ZC3H14: variants seen among roughly 807,000 people sequenced by gnomAD.
ZC3H14 encodes zinc finger CCCH-type containing 14.
A neutral mutation model predicts 92.4 loss-of-function variants in ZC3H14; 31 were observed. The observed-to-expected ratio is 0.34, with a 90% CI of 0.25 to 0.45. ZC3H14 has a LOEUF of 0.45. Ranked by LOEUF, ZC3H14 falls within the 20% of genes least tolerant of loss-of-function variation. The probability of loss-of-function intolerance (pLI) is 1.00; values close to 1 mark genes in which losing one functional copy is unlikely to be tolerated. For missense variants in ZC3H14, 781 were observed against 897.3 expected (o/e 0.87, Z 1.66); for synonymous variants, 321 against 300.9 (o/e 1.07, Z -0.69).
In ZC3H14 at chr14:88,602,769, G is replaced by A. The variant is rs192638660; in HGVS notation, c.1515-59G>A. 16 of 1,561,052 alleles carry A rather than the reference G, an allele frequency of 1.0e-5. No individual in the cohort carries two copies. In the East Asian group the frequency reaches 3.4e-4, roughly 33 times the overall value. ...TAGTTCTGCTGAAGAGCACTTTAGGGGGCTCAGCGTTTTGTGTTTGTTTCC... is the reference window on the plus strand; with the variant it reads ...TAGTTCTGCTGAAGAGCACTTTAGGAGGCTCAGCGTTTTGTGTTTGTTTCC... On this transcript the variant is annotated intron_variant, in intron 11 of 16. Transcript: ENST00000251038.
intron 9 of ZC3H14, among the ~76,000 whole-genome samples, chr14:88,585,234 C>G (rs1468102552): frequency 6.6e-6 from 1 of 152,174 alleles, no homozygotes; most frequent in Non-Finnish European, 1.5e-5. Context: ...GGATTACTTT[C>G]TGTCATCATT....
chr14:88,594,365 A>G (rs1315575499), intron 9 of ZC3H14: 2 of 1,037,122 alleles, frequency 1.9e-6, no homozygotes, highest in South Asian at 3.7e-5. Flanking sequence ...TTTTCAGCCA[A>G]TCAGAAACCA....
Position 88,616,966 on chromosome 14 carries a change from A to C in ZC3H14, c.*5215A>C. 7.9e-7 allele frequency: 1 copy of C among 1,270,950 alleles called. No individual in the cohort carries two copies. The highest frequency in any genetic ancestry group is 1.1e-6 in the Non-Finnish European group (1 of 899,958). The allele number at this position is 1,270,950 out of a possible 1,614,324, so 78.7% of individuals were successfully genotyped here. A position where few individuals can be genotyped will look rare whatever the true frequency, so the allele number is the denominator to read the frequency against. ...AAAAGTTTCTTGGCAATTAATCTCT[A>C]AGTACCCTATCATGTTACTTAAAAT... On this transcript the variant is annotated 3_prime_UTR_variant, in exon 17 of 17. Transcript: ENST00000251038.
intron 13 of ZC3H14, 194 bp from the exon 14 acceptor site, chr14:88,609,073 T>C (rs2086099976): frequency 1.5e-6 from 1 of 674,590 alleles, no homozygotes; most frequent in African/African-American, 1.8e-5. Flanking sequence ...GTGTTTGTGT[T>C]ATCCCAAGCT....
intron 12 of ZC3H14, among the ~76,000 whole-genome samples, chr14:88,605,545 G>A (rs1002005941): frequency 1.3e-5 from 2 of 152,154 alleles, no homozygotes; most frequent in Non-Finnish European, 2.9e-5. Context: ...TGTTGCCCAG[G>A]CTGGTCTGAA....
intron 9 of ZC3H14, among the ~76,000 whole-genome samples, chr14:88,578,807 C>CT (rs34809132): frequency 3.3e-4 from 21 of 62,718 alleles, no homozygotes; most frequent in African/African-American, 1.0e-3. Context: ...TTTTTTTTTG[C>CT]TTTTTTCTCA....
rs191173734 is a variant in ZC3H14 at position 88,609,978 on chromosome 14, T to A, written c.2097+175T>A. On this transcript the variant is annotated intron_variant, in intron 15 of 16. Transcript: ENST00000251038. The stretch of plus-strand genomic sequence containing the variant: ...CCATCTGGCCCCTTAGGCCAAGTGG[T>A]CTGAAACTGTTCAATGTTAGTATCC... 0.014 allele frequency among the ~76,000 whole-genome samples: 2,143 copies of A among 152,256 alleles called. 103 individuals are homozygous for A. The East Asian group carries it at 0.19, about 13-fold the overall frequency.
At chr14:88,566,798 T>TA (rs1432221000) in intron 2 of ZC3H14, among the ~76,000 whole-genome samples, 9 of 151,996 alleles carry the variant, frequency 5.9e-5, no homozygotes, top group Non-Finnish European at 1.2e-4. Context: ...CAGGTGCCTG[T>TA]AATCCCAGCT....
rs1173953905 is a variant in ZC3H14, at chr14:88,575,562, G to T, written c.1023-278G>T. ...TTAAAATAAATTAGTTGGTCATTGT[G>T]GCAGGCACCTGTAGTCCTGGACTGG... is the stretch of plus-strand genomic sequence containing the variant. On this transcript the variant is annotated intron_variant, in intron 7 of 16. Coordinates refer to ENST00000251038, the MANE Select transcript of ZC3H14 (RefSeq NM_024824.5). Among the ~76,000 whole-genome samples, 3 of 152,008 alleles carry T rather than the reference G, an allele frequency of 2.0e-5. No individual in the cohort carries two copies. The East Asian group carries it at 5.8e-4, about 29-fold the overall frequency.
intron 8 of ZC3H14, 76 bp downstream of exon 8, chr14:88,576,016 T>C: frequency 7.7e-7 from 1 of 1,290,862 alleles, no homozygotes; most frequent in Non-Finnish European, 1.1e-6. Flanking sequence ...TGATTGCTCC[T>C]TAAATTGTAA....
rs759515859 is a variant in ZC3H14, at chr14:88,607,233, C to A, written c.1748-10C>A. 1.9e-6 allele frequency: 3 copies of A among 1,614,004 alleles called. No individual in the cohort carries two copies. Among genetic ancestry groups the A allele is most frequent in the African/African-American group, 1.3e-5 (1 of 74,988 alleles). The stretch of plus-strand genomic sequence containing the variant: ...TGAATGAAATACTTTTATTTCCTTT[C>A]CCTTTGTAGCTGAGATGAGTGAACT... On this transcript the variant is annotated splice_polypyrimidine_tract_variant and intron_variant, in intron 12 of 16. Transcript: ENST00000251038.
At chr14:88,579,103 ATTATG>A (rs1331148626) in intron 9 of ZC3H14, among the ~76,000 whole-genome samples, 2 of 152,164 alleles carry the variant, frequency 1.3e-5, no homozygotes, top group Non-Finnish European at 2.9e-5. Flanking sequence ...CTATATGCTT[ATTATG>A]TTATTTCTCA....
At chr14:88,607,896 C>G (rs530761473) in intron 13 of ZC3H14, among the ~76,000 whole-genome samples, 2 of 123,768 alleles carry the variant, frequency 1.6e-5, no homozygotes, top group South Asian at 5.6e-4. Flanking sequence ...CCATCTCACC[C>G]TGCAAGTATC....
rs2080483905 is a variant in ZC3H14, at chr14:88,572,032, C to T, written c.238C>T (p.Pro80Ser). ...AAGGACTGTATTTTTCTTTTCAGAA[C>T]CCTCTAGTCTGAAGTCTTCTGATAC... ...LDKLRSVTTE[P>S]SSLKSSDTNI... The change falls in exon 5 of 17, where the codon CCC becomes TCC. Residue 80 changes from proline to serine, a missense_variant and splice_region_variant. Around this residue, in one of 3 missense-constraint regions of ZC3H14, gnomAD observed 106 missense variants for 154.2 expected, o/e 0.69. Coordinates refer to ENST00000251038, the MANE Select transcript of ZC3H14 (RefSeq NM_024824.5). The T allele has an allele frequency of 1.2e-6, 2 of 1,611,958 alleles. No individual in the cohort carries two copies. Among genetic ancestry groups the T allele is most frequent in the African/African-American group, 1.3e-5 (1 of 74,832 alleles).
chr14:88,575,473 G>A (rs1052873468), intron 7 of ZC3H14, among the ~76,000 whole-genome samples: 2 of 152,022 alleles, frequency 1.3e-5, no homozygotes, highest in East Asian at 3.9e-4. Flanking sequence ...CAGGAGGATT[G>A]CTTGAGACCA....
Position 88,621,245 on chromosome 14 carries a change from A to G in ZC3H14, c.*9494A>G. 1 of 1,613,888 alleles carries G rather than the reference A, an allele frequency of 6.2e-7. No individual in the cohort carries two copies. The highest frequency in any genetic ancestry group is 1.1e-5 in the South Asian group (1 of 91,084). On this transcript the variant is annotated 3_prime_UTR_variant, in exon 17 of 17. Transcript: ENST00000251038. ...CGTTAACTAAAATATTACAAGCTGCATTTTTCTCTCCAACTTCGATTATTT... is the reference window on the plus strand; with the variant it reads ...CGTTAACTAAAATATTACAAGCTGCGTTTTTCTCTCCAACTTCGATTATTT...
Position 88,572,558 on chromosome 14 carries a change from T to G in ZC3H14, c.432-20T>G. On this transcript the variant is annotated intron_variant, in intron 5 of 16. Transcript: ENST00000251038. ...TTGCCCTAATTTGGCTGTAATACAT[T>G]TTGTTGTTCTTTTAAATAGACAGAC... 3 of 1,613,902 alleles carry G rather than the reference T, an allele frequency of 1.9e-6. No individual in the cohort carries two copies. The highest frequency in any genetic ancestry group is 2.5e-6 in the Non-Finnish European group (3 of 1,179,984).
rs759023036 is a variant in ZC3H14, at chr14:88,622,587, C to G, written c.*10836C>G. ...TCTGTTTTCTGCTGCACTGTATCAG[C>G]TCATGGAACATCTTACTTTGCCTCT... On this transcript the variant is annotated 3_prime_UTR_variant, in exon 17 of 17. Transcript: ENST00000251038. 6 of 1,582,250 alleles carry G rather than the reference C, an allele frequency of 3.8e-6. No homozygotes were observed. The highest frequency in any genetic ancestry group is 3.6e-5 in the Admixed American group (2 of 55,966).
chr14:88,596,885 A>G, intron 10 of ZC3H14, 77 bp downstream of exon 10: 2 of 1,197,312 alleles, frequency 1.7e-6, no homozygotes, highest in Non-Finnish European at 2.5e-6. Context: ...CATTTAACGT[A>G]TCTCGGATCT....
Sources: gnomAD v4.1 joint callset for allele counts (sites outside exome capture counted in the v4.1 genomes callset) on GRCh38, gnomAD v4.1.1 for gene constraint, gnomAD v4.1.1 regional missense constraint, MANE v1.5 for transcripts, NCBI Gene and HGNC (gene_info 2026-07-23, HGNC 2026-07-21) for gene names.